Variants in SPECC1 observed in about 807,000 individuals in gnomAD.
The protein encoded by SPECC1 is sperm antigen with calponin homology and coiled-coil domains 1, also known as cytospin-B.
In SPECC1, 62 loss-of-function variants were observed where a neutral mutation model predicts 104.1. The ratio of observed to expected loss-of-function variants is 0.60; its 90% CI spans 0.49 to 0.74. The LOEUF (loss-of-function observed/expected upper bound fraction) is 0.74. Among genes scored for constraint, SPECC1 ranks in the 30% least tolerant of loss-of-function variants. The pLI, the probability that SPECC1 is intolerant of heterozygous loss-of-function variation, is 0.00. For synonymous variants in SPECC1, 513 were observed against 501.6 expected (o/e 1.02, Z -0.30); for missense variants, 1,306 against 1,310.5 (o/e 1.00, Z 0.05).
chr17:20,242,941 G>A (rs1567977867), intron 7 of SPECC1, among the ~76,000 whole-genome samples: 1 of 152,180 alleles, frequency 6.6e-6, no homozygotes, highest in Non-Finnish European at 1.5e-5. Context: ...GCTGGGAGCA[G>A]GTAGAATACT....
rs2042011383 is a variant in SPECC1, at chr17:20,314,618, T to G, written c.*553T>G. ...GCATACCACTGCACTCCAGCCTGTG[T>G]GAAAGAGCCAGACCCTGTCTCAAAA... On this transcript the variant is annotated 3_prime_UTR_variant, in exon 15 of 15. Transcript: ENST00000395527. 4.3e-6 allele frequency: 1 copy of G among 232,508 alleles called. No individual in the cohort carries two copies. Among genetic ancestry groups the G allele is most frequent in the Admixed American group, 5.6e-5 (1 of 17,890 alleles). 14.4% of individuals were successfully genotyped at this position (232,508 alleles called of 1,614,324 possible).
intron 3 of SPECC1, among the ~76,000 whole-genome samples, chr17:20,166,483 A>G (rs1212991975): frequency 6.6e-6 from 1 of 152,228 alleles, no homozygotes; most frequent in Non-Finnish European, 1.5e-5. Flanking sequence ...TTTGAGTCAA[A>G]TAGGAATTGA....
chr17:20,135,166 TG>T (rs2049853656), intron 3 of SPECC1, among the ~76,000 whole-genome samples: 1 of 152,232 alleles, frequency 6.6e-6, no homozygotes, highest in Non-Finnish European at 1.5e-5. Context: ...GCCATTGAAT[TG>T]TCTTTGTTTG....
At chr17:20,165,562 G>T (rs931048710) in intron 3 of SPECC1, among the ~76,000 whole-genome samples, 1 of 152,108 alleles carries the variant, frequency 6.6e-6, no homozygotes, top group Non-Finnish European at 1.5e-5. Flanking sequence ...TATTCCTTTG[G>T]GTATATATTC....
chr17:20,042,750 C>T (rs539135406), intron 1 of SPECC1, among the ~76,000 whole-genome samples: 3 of 152,246 alleles, frequency 2.0e-5, no homozygotes, highest in Admixed American at 1.3e-4. Flanking sequence ...TCAATCTGTG[C>T]CCCTTGGTGT....
intron 7 of SPECC1, among the ~76,000 whole-genome samples, chr17:20,244,120 G>A (rs1011733617): frequency 3.9e-5 from 6 of 152,022 alleles, no homozygotes; most frequent in Admixed American, 3.9e-4. Flanking sequence ...AGCAAGCTAC[G>A]CAGGAGGCTG....
In SPECC1 at chr17:20,316,934, CTG is replaced by C. The variant is rs1311782362; in HGVS notation, c.*2872_*2873del. ...CACTGGGAGCCCAAGTTGCCAATGACTGTGGCCAAACTCCCCCATTTTTGTCT... is the reference window on the plus strand; with the variant it reads ...CACTGGGAGCCCAAGTTGCCAATGACTGGCCAAACTCCCCCATTTTTGTCT... On this transcript the variant is annotated 3_prime_UTR_variant, in exon 15 of 15. Transcript: ENST00000395527. 4 of 216,694 alleles carry C rather than the reference CTG, an allele frequency of 1.8e-5. No homozygotes were observed. Among genetic ancestry groups the C allele is most frequent in the South Asian group, 1.9e-4 (1 of 5,390 alleles). 13.4% of individuals were successfully genotyped at this position (216,694 alleles called of 1,614,324 possible). A position where few individuals can be genotyped will look rare whatever the true frequency, so the allele number is the denominator to read the frequency against.
intron 1 of SPECC1, among the ~76,000 whole-genome samples, chr17:20,089,355 G>GT (rs2152498253): frequency 6.6e-6 from 1 of 152,314 alleles, no homozygotes; most frequent in East Asian, 1.9e-4. Flanking sequence ...GCTGAGTGCA[G>GT]TGGCTCATGC....
chr17:20,181,755 GA>G lies in SPECC1; in HGVS notation c.284-22569del, dbSNP rs548026606. Among the ~76,000 whole-genome samples, 827 of 150,706 alleles carry G rather than the reference GA, an allele frequency of 5.5e-3. 2 individuals carry two copies. The highest frequency in any genetic ancestry group is 9.3e-3 in the Non-Finnish European group (632 of 67,612). On this transcript the variant is annotated intron_variant, in intron 3 of 14. Transcript: ENST00000395527. Reference sequence around the variant, plus strand: ...CAATAACTGGTTAGCATTGGAACGTGAAAAAAAAATTCAATTCACAAATACC... The same window carrying G: ...CAATAACTGGTTAGCATTGGAACGTGAAAAAAAATTCAATTCACAAATACC...
At chr17:20,105,450 G>T (rs2048151485) in intron 2 of SPECC1, among the ~76,000 whole-genome samples, 1 of 152,026 alleles carries the variant, frequency 6.6e-6, no homozygotes, top group Admixed American at 6.6e-5. Context: ...CCACTCCCTG[G>T]GCTGCCTCCT....
At chr17:20,028,169 A>G (rs1045430703) in intron 1 of SPECC1, among the ~76,000 whole-genome samples, 1 of 151,852 alleles carries the variant, frequency 6.6e-6, no homozygotes, top group Non-Finnish European at 1.5e-5. Flanking sequence ...ATTTGTTGAA[A>G]AGAATGGTCT....
At chr17:20,072,460 C>T (rs1360219641) in intron 1 of SPECC1, among the ~76,000 whole-genome samples, 2 of 152,206 alleles carry the variant, frequency 1.3e-5, no homozygotes, top group East Asian at 1.9e-4. Flanking sequence ...TGCCCCTTGC[C>T]CCCCAGGAGA....
intron 14 of SPECC1, among the ~76,000 whole-genome samples, chr17:20,312,938 T>TA (rs1337163171): frequency 6.6e-6 from 1 of 152,226 alleles, no homozygotes; most frequent in Non-Finnish European, 1.5e-5. Context: ...ACTGATGTGC[T>TA]AAGTTCAGCC....
At chr17:20,260,726 C>T (rs2039996305) in intron 12 of SPECC1, among the ~76,000 whole-genome samples, 1 of 152,204 alleles carries the variant, frequency 6.6e-6, no homozygotes, top group African/African-American at 2.4e-5. Context: ...GGAGGATTCT[C>T]TGGCTGACTC....
chr17:20,176,049 A>C (rs898629314), intron 3 of SPECC1, among the ~76,000 whole-genome samples: 4 of 152,144 alleles, frequency 2.6e-5, no homozygotes, highest in African/African-American at 9.7e-5. Context: ...CTCTGCATAG[A>C]AGTTTTTTTC....
chr17:20,034,012 A>T (rs955617813), intron 1 of SPECC1, among the ~76,000 whole-genome samples: 2 of 152,236 alleles, frequency 1.3e-5, no homozygotes, highest in Non-Finnish European at 2.9e-5. Context: ...TAACAATGCC[A>T]TGGAGCATAA....
chr17:20,245,881 G>C (rs1408794689), intron 7 of SPECC1, 45 bp from the exon 8 acceptor site: 1 of 1,604,012 alleles, frequency 6.2e-7, no homozygotes. Context: ...TCTCCCATGG[G>C]GATGTCCTCC....
intron 3 of SPECC1, among the ~76,000 whole-genome samples, chr17:20,149,444 G>A (rs2031775970): frequency 6.6e-6 from 1 of 152,136 alleles, no homozygotes; most frequent in South Asian, 2.1e-4. Flanking sequence ...TTCCTTCCAG[G>A]AGCCTATGTG....
At chr17:20,277,245 G>A (rs72832508) in intron 12 of SPECC1, among the ~76,000 whole-genome samples, 7,957 of 152,214 alleles carry the variant, frequency 0.052, 285 homozygotes, top group Non-Finnish European at 0.079. Flanking sequence ...ACGGTAGCAG[G>A]GTGCCCCTGG....
Sources: gnomAD v4.1 joint callset for allele counts (sites outside exome capture counted in the v4.1 genomes callset) on GRCh38, gnomAD v4.1.1 for gene constraint, MANE v1.5 for transcripts, NCBI Gene and HGNC (gene_info 2026-07-23, HGNC 2026-07-21) for gene names.